The following PDE4A variants were observed in gnomAD, a reference collection of about 807,000 sequenced individuals.
PDE4A encodes the protein phosphodiesterase 4A, also known as 3',5'-cyclic-AMP phosphodiesterase 4A.
A neutral mutation model predicts 73.9 loss-of-function variants in PDE4A; 21 were observed. The observed-to-expected ratio is 0.28, with a 90% CI of 0.20 to 0.41. PDE4A has a LOEUF of 0.41. Ranked by LOEUF, PDE4A falls within the 10% of genes least tolerant of loss-of-function variation. PDE4A has a pLI of 1.00. For synonymous variants in PDE4A, 463 were observed against 505.4 expected (o/e 0.92, Z 1.13); for missense variants, 958 against 1,211.4 (o/e 0.79, Z 3.10).
rs200574484 is a variant in PDE4A at position 10,467,267 on chromosome 19, C to T, written c.2307C>T (p.Ser769=). The change falls in exon 15 of 15, where the codon TCC becomes TCT. Residue 769 remains serine (S), a synonymous_variant. Transcript: ENST00000380702. ...ESLEVMAQEA[S]LEAELEAVYL... ...TGGAAGTTATGGCACAGGAAGCATC[C>T]CTGGAGGCCGAGCTGGAGGCAGTGT... 3.7e-6 allele frequency: 6 copies of T among 1,614,156 alleles called. No homozygotes were observed. The highest frequency in any genetic ancestry group is 5.1e-6 in the Non-Finnish European group (6 of 1,180,026).
intron 14 of PDE4A, among the ~76,000 whole-genome samples, chr19:10,464,852 G>A (rs1460983765): frequency 6.6e-6 from 1 of 151,722 alleles, no homozygotes; most frequent in Non-Finnish European, 1.5e-5. Context: ...GAGTGGCTGG[G>A]ACTATAGGCG....
chr19:10,429,279 GAAGA>G (rs201177635), intron 1 of PDE4A, among the ~76,000 whole-genome samples: 7,403 of 120,302 alleles, frequency 0.062, 570 homozygotes, highest in African/African-American at 0.21. Flanking sequence ...AGGAAGGAAG[GAAGA>G]AAGAAAGAAA....
At chr19:10,432,398 G>A in intron 1 of PDE4A, 1 of 1,363,520 alleles carries the variant, frequency 7.3e-7, no homozygotes, top group Non-Finnish European at 9.4e-7. Context: ...CCCTGCCGCC[G>A]TCCCCATGCG....
chr19:10,432,560 C>T (rs1266930378), intron 1 of PDE4A: 2 of 1,523,780 alleles, frequency 1.3e-6, no homozygotes, highest in African/African-American at 1.4e-5. Flanking sequence ...ACCCTCCGGG[C>T]AGATCTGTCA....
At chr19:10,432,589 A>G (rs1424834283) in intron 1 of PDE4A, 1 of 1,509,890 alleles carries the variant, frequency 6.6e-7, no homozygotes, top group South Asian at 1.3e-5. Flanking sequence ...GCCCGTGGCC[A>G]GTCAGTCCTC....
In PDE4A at chr19:10,466,876, C is replaced by T. The variant is rs953704588; in HGVS notation, c.1927-11C>T. 8 of 1,608,084 alleles carry T rather than the reference C, an allele frequency of 5.0e-6. No individual in the cohort carries two copies. In the African/African-American group the frequency reaches 9.4e-5, roughly 19 times the overall value. On this transcript the variant is annotated splice_polypyrimidine_tract_variant and intron_variant, in intron 14 of 14. Coordinates refer to ENST00000380702, the MANE Select transcript of PDE4A (RefSeq NM_001111307.2). Reference sequence around the variant, plus strand: ...TAGGCCGCCCATTTATACTTTCTTCCCCTCCACCAGGTGGGTTTTATTGAC... The same window carrying T: ...TAGGCCGCCCATTTATACTTTCTTCTCCTCCACCAGGTGGGTTTTATTGAC...
intron 1 of PDE4A, among the ~76,000 whole-genome samples, chr19:10,443,947 C>T (rs1031526414): frequency 7.0e-6 from 1 of 142,292 alleles, no homozygotes; most frequent in African/African-American, 2.7e-5. Context: ...GCAGAGGTTG[C>T]AATGAGCCAA....
intron 1 of PDE4A, among the ~76,000 whole-genome samples, chr19:10,439,369 AT>A (rs374632073): frequency 8.4e-4 from 127 of 151,992 alleles, no homozygotes; most frequent in African/African-American, 2.8e-3. Context: ...TTTAGTAGAG[AT>A]TGGGTTTCAC....
chr19:10,417,264 G>C (rs2042597265), upstream of PDE4A: 1 of 985,004 alleles, frequency 1.0e-6, no homozygotes, highest in Admixed American at 6.2e-5. Flanking sequence ...GGGGTGGTGA[G>C]GTCTTGAGAG....
At chr19:10,443,544 C>CAA (rs58920826) in intron 1 of PDE4A, among the ~76,000 whole-genome samples, 71 of 120,938 alleles carry the variant, frequency 5.9e-4, no homozygotes, top group East Asian at 4.4e-3. Context: ...GACCCTGTCT[C>CAA]AAAAAAAAAA....
chr19:10,447,982 T>G (rs563527685), intron 2 of PDE4A, among the ~76,000 whole-genome samples: 3 of 152,208 alleles, frequency 2.0e-5, no homozygotes, highest in African/African-American at 7.2e-5. Context: ...CGGGTCAGGC[T>G]TGGAAGCTCA....
intron 14 of PDE4A, chr19:10,464,313 G>T: frequency 2.2e-6 from 1 of 451,810 alleles, no homozygotes; most frequent in South Asian, 1.6e-5. Context: ...GGCCAGGCTG[G>T]TCTTGAACTC....
intron 1 of PDE4A, among the ~76,000 whole-genome samples, chr19:10,429,800 G>C (rs1262153526): frequency 2.6e-5 from 4 of 152,048 alleles, no homozygotes; most frequent in African/African-American, 4.8e-5. Context: ...GGTCTATTGG[G>C]GCACCCCAGA....
chr19:10,441,449 G>A (rs954873260), intron 1 of PDE4A, among the ~76,000 whole-genome samples: 6 of 151,570 alleles, frequency 4.0e-5, no homozygotes, highest in African/African-American at 7.3e-5. Context: ...AAGAGATGGG[G>A]TCTCACTATA....
At chr19:10,430,146 G>T (rs958608748) in intron 1 of PDE4A, among the ~76,000 whole-genome samples, 1 of 152,004 alleles carries the variant, frequency 6.6e-6, no homozygotes, top group African/African-American at 2.4e-5. Flanking sequence ...CTGTGGTGGG[G>T]GTTCTGGGAT....
intron 1 of PDE4A, chr19:10,423,156 T>G: frequency 2.5e-6 from 2 of 797,026 alleles, no homozygotes; most frequent in Non-Finnish European, 3.0e-6. Flanking sequence ...AAACCCTTTC[T>G]CTTTTTTTTT....
At position 10,463,851 on chromosome 19, in the gene PDE4A, T is replaced by G; in HGVS notation, c.1802T>G (p.Leu601Arg). Reference sequence around the variant, plus strand: ...AGCAACCCCACCAAGCCGCTGGAGCTGTACCGCCAGTGGACAGACCGCATC... The same window carrying G: ...AGCAACCCCACCAAGCCGCTGGAGCGGTACCGCCAGTGGACAGACCGCATC... ...DLSNPTKPLE[L>R]YRQWTDRIMA... The change falls in exon 14 of 15, where the codon CTG becomes CGG. Residue 601 changes from leucine to arginine, a missense_variant. By Grantham distance (102) the Leu-to-Arg change is moderately radical. Transcript: ENST00000380702. 1 of 1,614,140 alleles carries G rather than the reference T, an allele frequency of 6.2e-7. No homozygotes were observed. Among genetic ancestry groups the G allele is most frequent in the East Asian group, 2.2e-5 (1 of 44,884 alleles).
Position 10,455,067 on chromosome 19 carries a change from AC to A in PDE4A, c.877+148del, listed in dbSNP as rs1477171429. 6 of 742,938 alleles carry A rather than the reference AC, an allele frequency of 8.1e-6. No homozygotes were observed. The South Asian group carries it at 8.4e-5, about 10-fold the overall frequency. The allele number at this position is 742,938 out of a possible 1,614,324, so 46.0% of individuals were successfully genotyped here. ...AAGGTCACAGTCACCCTATCCAGGA[AC>A]CCTCATGTTCCTGATGCCTCCAAAC... On this transcript the variant is annotated intron_variant, in intron 7 of 14. Transcript: ENST00000380702.
chr19:10,439,982 C>CT (rs1162121051), intron 1 of PDE4A, among the ~76,000 whole-genome samples: 3,469 of 113,922 alleles, frequency 0.03, 268 homozygotes, highest in African/African-American at 0.092. Context: ...ATGGTATCTC[C>CT]TTTTTTTTTT....
Sources: allele counts gnomAD v4.1 joint callset (sites outside exome capture counted in the v4.1 genomes callset), GRCh38; gene constraint gnomAD v4.1.1; transcripts MANE v1.5; gene names NCBI Gene and HGNC (gene_info 2026-07-23, HGNC 2026-07-21).